The following LRRFIP1 variants were observed in gnomAD, a reference collection of about 807,000 sequenced individuals.
LRRFIP1 encodes LRR binding FLII interacting protein 1, also known as leucine-rich repeat flightless-interacting protein 1.
Under a neutral mutation model 104.4 loss-of-function variants are expected in LRRFIP1, and 62 were observed. That is an observed-to-expected ratio of 0.59 (90% confidence interval 0.48 to 0.73). The LOEUF (loss-of-function observed/expected upper bound fraction) is 0.73, where lower values mean the gene tolerates loss of function less well. LRRFIP1 is among the 30% of genes least tolerant of loss of function. The pLI is 0.00. For synonymous variants in LRRFIP1, 300 were observed against 299.0 expected (o/e 1.00, Z -0.03); for missense variants, 796 against 824.5 (o/e 0.97, Z 0.42).
intron 19 of LRRFIP1, among the ~76,000 whole-genome samples, chr2:237,762,135 T>C (rs2059938879): frequency 6.6e-6 from 1 of 152,208 alleles, no homozygotes; most frequent in Non-Finnish European, 1.5e-5. Flanking sequence ...TGAATATTCT[T>C]TTTAAAAATT....
At chr2:237,692,522 G>C in intron 1 of LRRFIP1, 1 of 1,520,444 alleles carries the variant, frequency 6.6e-7, no homozygotes, top group Non-Finnish European at 8.9e-7. Flanking sequence ...GCAGAAGCTG[G>C]TAAGAGGAAA....
At chr2:237,740,251 A>T (rs1171872387) in intron 11 of LRRFIP1, among the ~76,000 whole-genome samples, 5 of 129,562 alleles carry the variant, frequency 3.9e-5, no homozygotes, top group African/African-American at 1.4e-4. Context: ...CTAAACAGTA[A>T]AAAAAAAAAA....
At chr2:237,736,487 A>G (rs1186359472) in intron 10 of LRRFIP1, among the ~76,000 whole-genome samples, 1 of 152,164 alleles carries the variant, frequency 6.6e-6, no homozygotes, top group East Asian at 1.9e-4. Flanking sequence ...AATTCAAGAG[A>G]AATTTCCCCC....
At chr2:237,757,184 G>C (rs1029355326) in intron 16 of LRRFIP1, among the ~76,000 whole-genome samples, 1 of 152,170 alleles carries the variant, frequency 6.6e-6, no homozygotes, top group Non-Finnish European at 1.5e-5. Flanking sequence ...AACTAATACA[G>C]GGTTGGTTTT....
intron 1 of LRRFIP1, among the ~76,000 whole-genome samples, chr2:237,640,741 G>A (rs761893638): frequency 2.8e-4 from 42 of 152,186 alleles, no homozygotes; most frequent in Non-Finnish European, 5.3e-4. Context: ...GCAGCTCTCT[G>A]CACGATACTC....
At position 237,700,593 on chromosome 2, in the gene LRRFIP1, C is replaced by T. The variant is rs973663009; in HGVS notation, c.97-7951C>T. On this transcript the variant is annotated intron_variant, in intron 1 of 23. Coordinates refer to ENST00000308482, the MANE Select transcript of LRRFIP1 (RefSeq NM_001137550.2). The stretch of plus-strand genomic sequence containing the variant: ...TTCCTCCTGTTTGCAGAGTGCTTTA[C>T]AGCTGGCAAACGGCTTCTCTCCCTG... Among the ~76,000 whole-genome samples the T allele has an allele frequency of 5.9e-5, 9 of 152,302 alleles. No homozygotes were observed. The South Asian group carries it at 6.2e-4, about 11-fold the overall frequency.
intron 1 of LRRFIP1, among the ~76,000 whole-genome samples, chr2:237,650,397 T>G (rs1179968402): frequency 6.6e-6 from 1 of 151,876 alleles, no homozygotes; most frequent in African/African-American, 2.4e-5. Context: ...GACTTGGATT[T>G]TCCCCCTAGC....
At chr2:237,699,162 G>T (rs982956468) in intron 1 of LRRFIP1, among the ~76,000 whole-genome samples, 1 of 152,220 alleles carries the variant, frequency 6.6e-6, no homozygotes, top group African/African-American at 2.4e-5. Flanking sequence ...ATTCTACAAA[G>T]TTGACTAACT....
chr2:237,748,481 A>T, intron 12 of LRRFIP1, 82 bp downstream of exon 12: 1 of 1,289,628 alleles, frequency 7.8e-7, no homozygotes, highest in Non-Finnish European at 1.1e-6. Flanking sequence ...GGTTTTTTTT[A>T]ATAAGGATGT....
intron 22 of LRRFIP1, 41 bp from the exon 23 acceptor site, chr2:237,774,317 G>T (rs1305337535): frequency 7.6e-6 from 9 of 1,191,602 alleles, no homozygotes; most frequent in East Asian, 4.7e-5. Context: ...AAGAAAACAG[G>T]CTTATCAATT....
rs181380385 is a variant in LRRFIP1, at chr2:237,711,620, G to A, written c.184-2639G>A. ...GTGACACAGGGCGGGCGTCGTGGGC[G>A]CGGCTGTGGACTCCTGCCTGGGGTT... On this transcript the variant is annotated intron_variant, in intron 2 of 23. Coordinates refer to ENST00000308482, the MANE Select transcript of LRRFIP1 (RefSeq NM_001137550.2). The surrounding 1 kb of genome is among the most constrained non-coding windows in gnomAD (Gnocchi z 4.4). Among the ~76,000 whole-genome samples, 43 of 152,354 alleles carry A rather than the reference G, an allele frequency of 2.8e-4. No individual in the cohort carries two copies. In the East Asian group the frequency reaches 5.0e-3, roughly 18 times the overall value.
intron 21 of LRRFIP1, chr2:237,772,544 A>G: frequency 2.2e-6 from 1 of 459,550 alleles, no homozygotes; most frequent in East Asian, 3.6e-5. Context: ...AACTAGAAAC[A>G]GTCTTAAGGG....
At chr2:237,707,591 T>C in intron 1 of LRRFIP1, among the ~76,000 whole-genome samples, 1 of 152,178 alleles carries the variant, frequency 6.6e-6, no homozygotes, top group Non-Finnish European at 1.5e-5. Flanking sequence ...GGGTGGGGTT[T>C]GTTTGATACC....
At chr2:237,699,334 G>A (rs1231258511) in intron 1 of LRRFIP1, among the ~76,000 whole-genome samples, 12 of 151,320 alleles carry the variant, frequency 7.9e-5, no homozygotes, top group South Asian at 2.1e-4. Flanking sequence ...TAAAAATAGT[G>A]GTTTTTCTTT....
At chr2:237,729,153 C>G (rs566441990) in intron 8 of LRRFIP1, among the ~76,000 whole-genome samples, 2 of 152,360 alleles carry the variant, frequency 1.3e-5, no homozygotes, top group South Asian at 2.1e-4. Context: ...TCTCGAACTC[C>G]TGACCTCAGG....
At position 237,766,172 on chromosome 2, in the gene LRRFIP1, G is replaced by A. The variant is rs544642759; in HGVS notation, c.1460-3771G>A. On this transcript the variant is annotated intron_variant, in intron 19 of 23. Coordinates refer to ENST00000308482, the MANE Select transcript of LRRFIP1 (RefSeq NM_001137550.2). The surrounding 1 kb of genome is among the most constrained non-coding windows in gnomAD (Gnocchi z 4.8). The stretch of plus-strand genomic sequence containing the variant: ...CTGTGATCTGTGGTTCTGATGTGCA[G>A]CCTCAGCTGAAAACGGTCTTCACCT... Among the ~76,000 whole-genome samples the A allele has an allele frequency of 7.3e-4, 111 of 152,300 alleles. No individual in the cohort carries two copies. The highest frequency in any genetic ancestry group is 1.9e-3 in the Admixed American group (29 of 15,298).
chr2:237,714,504 A>G (rs1165373471), intron 3 of LRRFIP1, among the ~76,000 whole-genome samples: 2 of 152,264 alleles, frequency 1.3e-5, no homozygotes, highest in Non-Finnish European at 2.9e-5. Context: ...TGCTTTTGTC[A>G]TCTGCATTTT....
In LRRFIP1 at chr2:237,648,543, C is replaced by T. The variant is rs557279472; in HGVS notation, c.96+20803C>T. Among the ~76,000 whole-genome samples, 16 of 150,496 alleles carry T rather than the reference C, an allele frequency of 1.1e-4. 1 individual carries two copies. The highest frequency in any genetic ancestry group is 1.5e-4 in the Non-Finnish European group (10 of 67,664). The stretch of plus-strand genomic sequence containing the variant: ...AGGAGTTTGAGACCAGCCTGGTCAA[C>T]GTAATGAGACCCCCATCTCTACAAG... On this transcript the variant is annotated intron_variant, in intron 1 of 23. Transcript: ENST00000308482.
intron 1 of LRRFIP1, among the ~76,000 whole-genome samples, chr2:237,662,065 T>C (rs2088101419): frequency 6.6e-6 from 1 of 152,192 alleles, no homozygotes; most frequent in South Asian, 2.1e-4. Flanking sequence ...AGTCGAGGTA[T>C]TGGGCCAGGT....
Sources: allele counts gnomAD v4.1 joint callset (sites outside exome capture counted in the v4.1 genomes callset), GRCh38; gene constraint gnomAD v4.1.1; non-coding constraint Gnocchi (gnomAD v3.1); transcripts MANE v1.5; gene names NCBI Gene and HGNC (gene_info 2026-07-23, HGNC 2026-07-21).